PTPRD: variants seen among roughly 807,000 people sequenced by gnomAD.
PTPRD encodes protein tyrosine phosphatase receptor type D.
Under a neutral mutation model 214.5 loss-of-function variants are expected in PTPRD, and 34 were observed. That is an observed-to-expected ratio of 0.16 (90% CI 0.12 to 0.21). The LOEUF is 0.21. PTPRD is among the 10% of genes least tolerant of loss of function. PTPRD has a pLI of 1.00. For synonymous variants in PTPRD, 1,128 were observed against 845.7 expected (o/e 1.33, Z -5.79); for missense variants, 2,545 against 2,398.7 (o/e 1.06, Z -1.27).
intron 8 of PTPRD, among the ~76,000 whole-genome samples, chr9:9,410,818 A>C (rs188979591): frequency 5.6e-4 from 85 of 152,292 alleles, no homozygotes; most frequent in African/African-American, 1.5e-3. Flanking sequence ...GCTTCCCAAC[A>C]TGCTTTCCTG....
rs532049850 is a variant in PTPRD, at chr9:9,672,851, T to C, written c.-287+61682A>G. ...TGCCTGAAAATGGAAATAAAAACAG[T>C]ATAAAAGTGCTAAAGAAGTATATGT... On this transcript the variant is annotated intron_variant, in intron 7 of 45. Transcript: ENST00000381196. Among the ~76,000 whole-genome samples, 4 of 152,066 alleles carry C rather than the reference T, an allele frequency of 2.6e-5. No homozygotes were observed. The South Asian group carries it at 8.3e-4, about 32-fold the overall frequency.
intron 8 of PTPRD, among the ~76,000 whole-genome samples, chr9:9,414,356 T>G (rs1215387033): frequency 6.6e-6 from 1 of 152,200 alleles, no homozygotes; most frequent in Non-Finnish European, 1.5e-5. Context: ...GAGGCAAGAT[T>G]GGCAAGGATG....
intron 10 of PTPRD, among the ~76,000 whole-genome samples, chr9:9,183,012 C>A (rs72696835): frequency 0.12 from 17,993 of 151,682 alleles, 1,122 homozygotes; most frequent in Middle Eastern, 0.19. Context: ...GAAATTTAAC[C>A]GATTGTTAGA....
intron 8 of PTPRD, among the ~76,000 whole-genome samples, chr9:9,419,540 A>G (rs553892393): frequency 4.0e-5 from 6 of 151,858 alleles, no homozygotes; most frequent in Non-Finnish European, 8.9e-5. Flanking sequence ...TCTGCTTAGA[A>G]GTAAACAGTT....
intron 2 of PTPRD, among the ~76,000 whole-genome samples, chr9:10,440,296 G>C (rs1300741796): frequency 6.6e-6 from 1 of 151,610 alleles, no homozygotes; most frequent in Non-Finnish European, 1.5e-5. Flanking sequence ...GTTTATTTTT[G>C]TTGTCATTTT....
intron 35 of PTPRD, among the ~76,000 whole-genome samples, chr9:8,425,274 ACGTACTCATTTGGT>A (rs2094586928): frequency 6.6e-6 from 1 of 152,204 alleles, no homozygotes. Flanking sequence ...ATAAACATAG[ACGTACTCATTTGGT>A]CCCTCAGGTA....
At chr9:9,781,559 T>C (rs2098842842) in intron 5 of PTPRD, among the ~76,000 whole-genome samples, 1 of 152,172 alleles carries the variant, frequency 6.6e-6, no homozygotes, top group African/African-American at 2.4e-5. Context: ...TGAAGACATG[T>C]GAAGGCATGT....
At chr9:9,474,706 G>A (rs1262451242) in intron 8 of PTPRD, among the ~76,000 whole-genome samples, 1 of 151,638 alleles carries the variant, frequency 6.6e-6, no homozygotes, top group Non-Finnish European at 1.5e-5. Flanking sequence ...TATTATAAAT[G>A]AGATTACTAT....
intron 6 of PTPRD, among the ~76,000 whole-genome samples, chr9:9,738,783 G>C (rs1292778864): frequency 1.3e-5 from 2 of 151,836 alleles, no homozygotes; most frequent in Admixed American, 1.3e-4. Context: ...TTATTGTTGA[G>C]TTCTAAGTGA....
At chr9:10,109,514 T>C (rs1050515130) in intron 3 of PTPRD, among the ~76,000 whole-genome samples, 4 of 152,208 alleles carry the variant, frequency 2.6e-5, no homozygotes, top group Non-Finnish European at 5.9e-5. Flanking sequence ...ACTAATTCTT[T>C]ACCAAGTTTG....
chr9:8,715,560 C>A (rs1285631882), intron 12 of PTPRD, among the ~76,000 whole-genome samples: 1 of 152,190 alleles, frequency 6.6e-6, no homozygotes, highest in Non-Finnish European at 1.5e-5. Context: ...GAACTCAGAT[C>A]ATTTTATTTA....
At chr9:9,609,017 T>C (rs1317673932) in intron 7 of PTPRD, among the ~76,000 whole-genome samples, 1 of 152,190 alleles carries the variant, frequency 6.6e-6, no homozygotes, top group Non-Finnish European at 1.5e-5. Context: ...ATTTCTCAAA[T>C]TCAAAATGTA....
chr9:8,471,446 A>T (rs1218556019), intron 30 of PTPRD, among the ~76,000 whole-genome samples: 1 of 152,154 alleles, frequency 6.6e-6, no homozygotes, highest in East Asian at 1.9e-4. Flanking sequence ...TTTCTATGAC[A>T]TGAATTTATA....
chr9:10,455,808 T>C (rs1053798163), intron 2 of PTPRD, among the ~76,000 whole-genome samples: 2 of 151,786 alleles, frequency 1.3e-5, no homozygotes, highest in Non-Finnish European at 3.0e-5. Context: ...GAAAAAACTA[T>C]TACTCCTACT....
At chr9:9,339,176 A>G (rs764954804) in intron 9 of PTPRD, among the ~76,000 whole-genome samples, 35 of 152,248 alleles carry the variant, frequency 2.3e-4, no homozygotes, top group Non-Finnish European at 4.3e-4. Context: ...TAGAGGAAGC[A>G]TGTAAAAAGC....
In PTPRD at chr9:8,553,917, G is replaced by A. The variant is rs535643773; in HGVS notation, c.353-25138C>T. The stretch of plus-strand genomic sequence containing the variant: ...AAAAGACCACAGATTAGCCGGGCGC[G>A]GTGGCTCACGCCTGTAATCCTAGCA... On this transcript the variant is annotated intron_variant, in intron 14 of 45. Coordinates refer to ENST00000381196, the MANE Select transcript of PTPRD (RefSeq NM_002839.4). Among the ~76,000 whole-genome samples the A allele has an allele frequency of 9.9e-5, 15 of 152,278 alleles. No individual in the cohort carries two copies. In the South Asian group the frequency reaches 2.1e-3, roughly 21 times the overall value.
intron 11 of PTPRD, among the ~76,000 whole-genome samples, chr9:8,819,612 G>A (rs1193185686): frequency 6.6e-6 from 1 of 152,124 alleles, no homozygotes; most frequent in Non-Finnish European, 1.5e-5. Context: ...AGTGAGCCAA[G>A]ATTGAGCCAC....
intron 30 of PTPRD, among the ~76,000 whole-genome samples, 167 bp downstream of exon 30, chr9:8,483,952 T>C (rs765867789): frequency 2.0e-5 from 3 of 152,216 alleles, no homozygotes; most frequent in Non-Finnish European, 4.4e-5. Context: ...CAATGAATAC[T>C]AGGACACGTT....
intron 9 of PTPRD, among the ~76,000 whole-genome samples, chr9:9,329,217 T>C (rs575051665): frequency 6.6e-6 from 1 of 152,208 alleles, no homozygotes; most frequent in East Asian, 1.9e-4. Flanking sequence ...GCTACTTACT[T>C]TTATTGTTTG....
Sources: allele counts gnomAD v4.1 joint callset (sites outside exome capture counted in the v4.1 genomes callset), GRCh38; gene constraint gnomAD v4.1.1; transcripts MANE v1.5; gene names NCBI Gene and HGNC (gene_info 2026-07-23, HGNC 2026-07-21).